The following PRKG1 variants were observed in gnomAD, a reference collection of about 807,000 sequenced individuals.
PRKG1 encodes protein kinase cGMP-dependent 1, also known as cGMP-dependent protein kinase 1.
In PRKG1, 35 loss-of-function variants were observed where a neutral mutation model predicts 88.1. The ratio of observed to expected loss-of-function variants is 0.40; its 90% CI spans 0.30 to 0.53. The LOEUF (loss-of-function observed/expected upper bound fraction) is 0.53. Ranked by LOEUF, PRKG1 falls within the 20% of genes least tolerant of loss-of-function variation. The pLI, the probability that PRKG1 is intolerant of heterozygous loss-of-function variation, is 0.59. For synonymous variants in PRKG1, 303 were observed against 292.5 expected (o/e 1.04, Z -0.37); for missense variants, 540 against 839.8 (o/e 0.64, Z 4.41).
intron 9 of PRKG1, among the ~76,000 whole-genome samples, chr10:52,204,534 T>C (rs1321318364): frequency 1.3e-5 from 2 of 152,132 alleles, no homozygotes; most frequent in Non-Finnish European, 2.9e-5. Flanking sequence ...GTACCCCAAA[T>C]TAATACTTTT....
intron 3 of PRKG1, among the ~76,000 whole-genome samples, chr10:51,691,309 T>C (rs1190986405): frequency 8.4e-6 from 1 of 119,366 alleles, no homozygotes. Context: ...TCTTTTTATC[T>C]TTTTTTTTTT....
chr10:51,618,415 C>T (rs1839119864), intron 3 of PRKG1, among the ~76,000 whole-genome samples: 1 of 152,132 alleles, frequency 6.6e-6, no homozygotes, highest in Non-Finnish European at 1.5e-5. Context: ...AGAGGCATCC[C>T]CAGAGCCCAG....
At chr10:51,752,037 G>GTAT (rs1837738982) in intron 3 of PRKG1, among the ~76,000 whole-genome samples, 1 of 152,000 alleles carries the variant, frequency 6.6e-6, no homozygotes, top group African/African-American at 2.4e-5. Flanking sequence ...CCTTTCCTTA[G>GTAT]TATTGCCAGT....
chr10:51,298,848 C>A (rs576701169), intron 2 of PRKG1, among the ~76,000 whole-genome samples: 1 of 152,156 alleles, frequency 6.6e-6, no homozygotes, highest in East Asian at 1.9e-4. Context: ...TAGGACAATT[C>A]CTGGCACATA....
At chr10:52,266,963 C>CTA (rs1259022863) in intron 10 of PRKG1, among the ~76,000 whole-genome samples, 1 of 151,950 alleles carries the variant, frequency 6.6e-6, no homozygotes, top group Admixed American at 6.6e-5. Flanking sequence ...AAAATATGCA[C>CTA]TCCTGTTCTC....
At chr10:51,952,492 A>C (rs1248811204) in intron 5 of PRKG1, among the ~76,000 whole-genome samples, 1 of 152,200 alleles carries the variant, frequency 6.6e-6, no homozygotes, top group East Asian at 1.9e-4. Flanking sequence ...TCATTGGTAT[A>C]AAAACCTAAC....
At chr10:51,906,760 A>G (rs1435211260) in intron 4 of PRKG1, among the ~76,000 whole-genome samples, 4 of 152,202 alleles carry the variant, frequency 2.6e-5, no homozygotes, top group Admixed American at 2.6e-4. Context: ...TGGAAAGCAA[A>G]GGGGATTCTG....
At chr10:51,299,668 G>GGTA in intron 2 of PRKG1, 1 of 452,440 alleles carries the variant, frequency 2.2e-6, no homozygotes, top group Non-Finnish European at 4.5e-6. Context: ...TGCAGATACA[G>GGTA]GTTACCTATG....
intron 1 of PRKG1, among the ~76,000 whole-genome samples, chr10:51,095,947 C>T (rs1564598230): frequency 1.3e-5 from 2 of 151,984 alleles, no homozygotes; most frequent in Non-Finnish European, 2.9e-5. Context: ...TTGTTTTTAC[C>T]TCTTGTTTCA....
chr10:51,857,616 C>T (rs1409990009), intron 4 of PRKG1, among the ~76,000 whole-genome samples: 3 of 152,126 alleles, frequency 2.0e-5, no homozygotes, highest in Non-Finnish European at 2.9e-5. Flanking sequence ...CTAATCAATC[C>T]TGGCTTTGTT....
At chr10:51,979,262 T>C (rs1310233296) in intron 5 of PRKG1, among the ~76,000 whole-genome samples, 3 of 152,076 alleles carry the variant, frequency 2.0e-5, no homozygotes, top group Non-Finnish European at 2.9e-5. Context: ...ATCACAGTTA[T>C]TGATTTGCAT....
chr10:51,700,284 A>T (rs778709829), intron 3 of PRKG1, among the ~76,000 whole-genome samples: 1 of 152,220 alleles, frequency 6.6e-6, no homozygotes, highest in Non-Finnish European at 1.5e-5. Flanking sequence ...TTTCCTGAGC[A>T]CACGGGCAGC....
At chr10:51,129,440 G>A (rs530535898) in intron 1 of PRKG1, among the ~76,000 whole-genome samples, 99 of 151,128 alleles carry the variant, frequency 6.6e-4, no homozygotes, top group Admixed American at 9.3e-4. Flanking sequence ...GTGAGACTCC[G>A]TCTCAAATAA....
At chr10:51,995,034 C>T (rs141790880) in intron 5 of PRKG1, among the ~76,000 whole-genome samples, 9 of 152,070 alleles carry the variant, frequency 5.9e-5, no homozygotes, top group East Asian at 3.9e-4. Context: ...TGCTATTAAT[C>T]GGCACTTAAT....
At chr10:51,331,960 T>C (rs999214973) in intron 2 of PRKG1, among the ~76,000 whole-genome samples, 2 of 152,150 alleles carry the variant, frequency 1.3e-5, no homozygotes, top group Non-Finnish European at 2.9e-5. Flanking sequence ...CCCACAAATA[T>C]TTACTGAACA....
At chr10:51,646,242 AT>A (rs778090999) in intron 3 of PRKG1, among the ~76,000 whole-genome samples, 2 of 152,152 alleles carry the variant, frequency 1.3e-5, no homozygotes, top group Non-Finnish European at 2.9e-5. Flanking sequence ...AAGCTACCTA[AT>A]TATTTTAGAT....
chr10:51,307,630 C>G (rs1052669875), intron 2 of PRKG1, among the ~76,000 whole-genome samples: 5 of 152,122 alleles, frequency 3.3e-5, no homozygotes, highest in Admixed American at 6.6e-5. Context: ...AAAGTAGAGG[C>G]TGTCCCGAGT....
At chr10:52,063,436 G>T (rs1381029747) in intron 7 of PRKG1, among the ~76,000 whole-genome samples, 1 of 152,218 alleles carries the variant, frequency 6.6e-6, no homozygotes, top group East Asian at 1.9e-4. Context: ...GCCCTGGCTC[G>T]GGGAGCTCCC....
intron 2 of PRKG1, among the ~76,000 whole-genome samples, chr10:51,282,725 A>G (rs1259759272): frequency 6.6e-6 from 1 of 152,168 alleles, no homozygotes; most frequent in Non-Finnish European, 1.5e-5. Flanking sequence ...CACAAGTTTC[A>G]CTTGATTACT....
Sources: gnomAD v4.1 joint callset for allele counts (sites outside exome capture counted in the v4.1 genomes callset) on GRCh38, gnomAD v4.1.1 for gene constraint, MANE v1.5 for transcripts, NCBI Gene and HGNC (gene_info 2026-07-23, HGNC 2026-07-21) for gene names.